The following ATOSA variants were observed in gnomAD, a reference collection of about 807,000 sequenced individuals.
ATOSA encodes the protein atos homolog A, also known as atos homolog protein A.
chr15:52,658,826 A>AAAAAAAAAAAAG, the ATOSA span: 1 of 327,180 alleles, frequency 3.1e-6, no homozygotes, highest in Non-Finnish European at 5.5e-6. Context: ...AAAAAAAAAA[A>AAAAAAAAAAAAG]AAGTTAAAAA....
the ATOSA span, among the ~76,000 whole-genome samples, chr15:52,683,404 A>G: frequency 6.6e-6 from 1 of 152,340 alleles, no homozygotes; most frequent in African/African-American, 2.4e-5. Flanking sequence ...TGGGGAAACT[A>G]TGGCTCAGAA....
At chr15:52,601,175 A>G in the ATOSA span, 5 of 1,514,648 alleles carry the variant, frequency 3.3e-6, no homozygotes, top group Non-Finnish European at 4.4e-6. Context: ...CCTAAGGTCA[A>G]AACGATCATT....
chr15:52,613,908 G>A, the ATOSA span: 17 of 1,455,486 alleles, frequency 1.2e-5, no homozygotes, highest in African/African-American at 4.2e-5. Flanking sequence ...CTCTTAGTAA[G>A]AACTCATCTG....
the ATOSA span, chr15:52,678,058 G>C: frequency 8.1e-6 from 13 of 1,613,688 alleles, no homozygotes; most frequent in Non-Finnish European, 7.6e-6. Flanking sequence ...GCTGTGAAAT[G>C]CACCTGTGGG....
chr15:52,651,875 C>A, the ATOSA span: 3 of 1,535,380 alleles, frequency 2.0e-6, no homozygotes, highest in African/African-American at 4.1e-5. Context: ...CACACCTTCT[C>A]TGTGAAGCCC....
chr15:52,609,651 A>T, the ATOSA span: 1 of 1,613,440 alleles, frequency 6.2e-7, no homozygotes, highest in Non-Finnish European at 8.5e-7. Context: ...AAGCTTCTTT[A>T]CCTTTTCCCA....
chr15:52,668,462 G>A, the ATOSA span, among the ~76,000 whole-genome samples: 1 of 152,166 alleles, frequency 6.6e-6, no homozygotes, highest in Non-Finnish European at 1.5e-5. Flanking sequence ...CAGTTAGATA[G>A]GAGGAATAAA....
the ATOSA span, chr15:52,587,117 T>C: frequency 6.2e-6 from 10 of 1,612,280 alleles, no homozygotes; most frequent in Non-Finnish European, 8.5e-6. Context: ...TGTGAGAGAA[T>C]GATTATTGCA....
the ATOSA span, chr15:52,586,319 TAAAC>T: frequency 1.8e-4 from 27 of 152,246 alleles, 1 homozygote; most frequent in African/African-American, 6.0e-4. Flanking sequence ...TGATATGAAA[TAAAC>T]AAATATACAG....
At chr15:52,704,295 C>G in the ATOSA span, among the ~76,000 whole-genome samples, 1 of 152,158 alleles carries the variant, frequency 6.6e-6, no homozygotes, top group African/African-American at 2.4e-5. Flanking sequence ...GGAAAACTAG[C>G]TAGCCATATG....
the ATOSA span, among the ~76,000 whole-genome samples, chr15:52,602,821 T>C: frequency 6.6e-6 from 1 of 152,238 alleles, no homozygotes; most frequent in African/African-American, 2.4e-5. Flanking sequence ...TGTTACAGAC[T>C]TGCAGCCTTG....
chr15:52,583,100 T>C, the ATOSA span, among the ~76,000 whole-genome samples: 7 of 152,206 alleles, frequency 4.6e-5, no homozygotes, highest in East Asian at 1.9e-4. Context: ...TCTGACTGGC[T>C]CACTCTTCCC....
the ATOSA span, among the ~76,000 whole-genome samples, chr15:52,696,753 G>A: frequency 6.6e-6 from 1 of 151,924 alleles, no homozygotes; most frequent in African/African-American, 2.4e-5. Flanking sequence ...TTTTTTAAAT[G>A]TGCTAATAAT....
At chr15:52,696,268 C>T in the ATOSA span, among the ~76,000 whole-genome samples, 1 of 152,056 alleles carries the variant, frequency 6.6e-6, no homozygotes, top group Non-Finnish European at 1.5e-5. Context: ...TTCCTCTCTC[C>T]CACTTCCCCA....
the ATOSA span, among the ~76,000 whole-genome samples, chr15:52,702,604 C>T: frequency 6.6e-6 from 1 of 151,910 alleles, no homozygotes; most frequent in African/African-American, 2.4e-5. Flanking sequence ...CTGGGAACTA[C>T]TGGGGGCAGG....
At chr15:52,581,502 T>C in the ATOSA span, 1 of 152,232 alleles carries the variant, frequency 6.6e-6, no homozygotes, top group Non-Finnish European at 1.5e-5. Flanking sequence ...TGAATGGGCA[T>C]GATGATCTGA....
the ATOSA span, among the ~76,000 whole-genome samples, chr15:52,642,949 T>G: frequency 6.6e-6 from 1 of 152,164 alleles, no homozygotes; most frequent in Non-Finnish European, 1.5e-5. Context: ...ATTACTGGTG[T>G]GAGCCTCCAC....
chr15:52,599,979 G>T, the ATOSA span: 2 of 471,612 alleles, frequency 4.2e-6, no homozygotes, highest in African/African-American at 2.0e-5. Context: ...CCCTTCTTGT[G>T]AAAATAAAAT....
chr15:52,700,541 C>CA, the ATOSA span, among the ~76,000 whole-genome samples: 1 of 152,020 alleles, frequency 6.6e-6, no homozygotes, highest in African/African-American at 2.4e-5. Context: ...AAGACCACTT[C>CA]AAAAAAAGCC....
Sources: allele counts gnomAD v4.1 joint callset (sites outside exome capture counted in the v4.1 genomes callset), GRCh38; gene constraint gnomAD v4.1.1; transcripts MANE v1.5; gene names NCBI Gene and HGNC (gene_info 2026-07-23, HGNC 2026-07-21).